MYO3B: variants seen among roughly 807,000 people sequenced by gnomAD.
MYO3B encodes the protein myosin IIIB, also known as myosin-IIIb.
In MYO3B, 156 loss-of-function variants were observed where a neutral mutation model predicts 174.6. The observed-to-expected ratio is 0.89, with a 90% CI of 0.78 to 1.02. The LOEUF (loss-of-function observed/expected upper bound fraction) is 1.02. MYO3B is among the 50% of genes least tolerant of loss of function. The pLI is 0.00. For synonymous variants in MYO3B, 563 were observed against 569.1 expected, an observed-to-expected ratio of 0.99 and a Z score of 0.15; for missense variants, 1,632 against 1,639.4, an observed-to-expected ratio of 1.00 and a Z score of 0.08.
intron 32 of MYO3B, among the ~76,000 whole-genome samples, chr2:170,613,749 A>G (rs573482119): frequency 6.6e-6 from 1 of 152,180 alleles, no homozygotes; most frequent in Admixed American, 6.5e-5. Context: ...AATATAAAGC[A>G]GGCAGAAAAA....
intron 32 of MYO3B, among the ~76,000 whole-genome samples, chr2:170,616,813 G>T (rs1695497253): frequency 6.6e-6 from 1 of 152,142 alleles, no homozygotes; most frequent in Non-Finnish European, 1.5e-5. Flanking sequence ...TGCTTGAGAG[G>T]CCTCAAAAAT....
At chr2:170,412,511 TA>T (rs2094552256) in intron 22 of MYO3B, 1 of 152,186 alleles carries the variant, frequency 6.6e-6, no homozygotes, top group Non-Finnish European at 1.5e-5. Context: ...AAATCAACAA[TA>T]AAGTATCTGT....
intron 32 of MYO3B, among the ~76,000 whole-genome samples, chr2:170,550,667 C>T (rs1245565149): frequency 6.6e-6 from 1 of 152,164 alleles, no homozygotes; most frequent in Non-Finnish European, 1.5e-5. Flanking sequence ...GAGACTAATA[C>T]GATTATAATA....
At chr2:170,314,264 G>C (rs2093759386) in intron 7 of MYO3B, among the ~76,000 whole-genome samples, 1 of 152,120 alleles carries the variant, frequency 6.6e-6, no homozygotes, top group Non-Finnish European at 1.5e-5. Flanking sequence ...GGCAAAATAG[G>C]CTCCGTTTCA....
At chr2:170,569,524 T>C (rs1575178571) in intron 32 of MYO3B, among the ~76,000 whole-genome samples, 1 of 151,660 alleles carries the variant, frequency 6.6e-6, no homozygotes, top group South Asian at 2.1e-4. Flanking sequence ...CTGAGTTTTT[T>C]TTTTTTTTTT....
At chr2:170,476,437 A>T (rs768745257) in intron 25 of MYO3B, among the ~76,000 whole-genome samples, 2 of 152,056 alleles carry the variant, frequency 1.3e-5, no homozygotes, top group Admixed American at 6.5e-5. Context: ...GGCTTGAAGG[A>T]TGAATGCAGG....
chr2:170,429,579 T>C (rs895351720), intron 22 of MYO3B, among the ~76,000 whole-genome samples: 2 of 152,232 alleles, frequency 1.3e-5, no homozygotes, highest in African/African-American at 2.4e-5. Context: ...AATGTTTTAA[T>C]GCTATTATTA....
chr2:170,432,638 A>G (rs973019693), intron 22 of MYO3B, among the ~76,000 whole-genome samples: 6 of 150,726 alleles, frequency 4.0e-5, no homozygotes, highest in Non-Finnish European at 5.9e-5. Context: ...GTGCAGTGGC[A>G]CGATCTCGGC....
At chr2:170,361,168 T>TC (rs1034569968) in intron 8 of MYO3B, among the ~76,000 whole-genome samples, 6 of 152,202 alleles carry the variant, frequency 3.9e-5, no homozygotes, top group Admixed American at 3.9e-4. Context: ...ACTCATTTAT[T>TC]CCCCACAATA....
chr2:170,635,665 A>G (rs12473121), intron 32 of MYO3B, among the ~76,000 whole-genome samples: 19,644 of 152,154 alleles, frequency 0.13, 1,447 homozygotes, highest in East Asian at 0.31. Context: ...AAGCTTTGTA[A>G]TATCTCTTAA....
At chr2:170,336,626 T>C (rs2093949202) in intron 8 of MYO3B, among the ~76,000 whole-genome samples, 1 of 152,184 alleles carries the variant, frequency 6.6e-6, no homozygotes, top group African/African-American at 2.4e-5. Context: ...TCTTACTTGA[T>C]GTGAATATTC....
intron 9 of MYO3B, among the ~76,000 whole-genome samples, chr2:170,380,590 T>A (rs1252537501): frequency 6.6e-6 from 1 of 152,200 alleles, no homozygotes; most frequent in Non-Finnish European, 1.5e-5. Flanking sequence ...TGAAAGGAAT[T>A]ACGGGAAGGC....
chr2:170,589,062 C>T (rs984166490), intron 32 of MYO3B, among the ~76,000 whole-genome samples: 1 of 151,766 alleles, frequency 6.6e-6, no homozygotes, highest in African/African-American at 2.4e-5. Flanking sequence ...GGAACTGGAA[C>T]AAGAACATGT....
chr2:170,236,309 C>T (rs563127639), intron 7 of MYO3B, among the ~76,000 whole-genome samples, 173 bp downstream of exon 7: 2 of 152,188 alleles, frequency 1.3e-5, no homozygotes, highest in South Asian at 4.1e-4. Flanking sequence ...AGAGGATGTT[C>T]CTGAAAGATA....
chr2:170,547,496 C>A (rs923459310), intron 32 of MYO3B, among the ~76,000 whole-genome samples: 2 of 152,132 alleles, frequency 1.3e-5, no homozygotes, highest in Non-Finnish European at 2.9e-5. Flanking sequence ...GTATACAGAC[C>A]TCATCTGGTT....
At chr2:170,488,352 G>C (rs1157625264) in intron 25 of MYO3B, among the ~76,000 whole-genome samples, 2 of 151,936 alleles carry the variant, frequency 1.3e-5, no homozygotes, top group African/African-American at 2.4e-5. Flanking sequence ...TTGCTTGGTA[G>C]CATTGGGTCT....
chr2:170,217,333 C>A lies in MYO3B; in HGVS notation c.541C>A (p.Leu181Ile), dbSNP rs751804769. 3.2e-5 allele frequency: 51 copies of A among 1,613,956 alleles called. No homozygotes were observed. In the Middle Eastern group the frequency reaches 8.2e-4, roughly 26 times the overall value. The change falls in exon 6 of 35, where the codon CTC (leucine) becomes ATC (isoleucine). Residue 181 changes from leucine (L) to isoleucine (I), a missense_variant. Coordinates refer to ENST00000408978, the MANE Select transcript of MYO3B (RefSeq NM_138995.5). ...TTTCCTTATAGGTGTTTCAGCTCAA[C>A]TCACCAGTACACGTCTGCGGAGAAA... ...KLVDFGVSAQLTSTRLRRNTS... is the reference protein window; with the variant it reads ...KLVDFGVSAQITSTRLRRNTS...
chr2:170,202,246 G>T (rs531472830), intron 3 of MYO3B, among the ~76,000 whole-genome samples: 1 of 152,328 alleles, frequency 6.6e-6, no homozygotes, highest in African/African-American at 2.4e-5. Context: ...CTGAGACACT[G>T]AATTATTCAT....
At chr2:170,256,867 C>T (rs1005535650) in intron 7 of MYO3B, among the ~76,000 whole-genome samples, 1 of 152,020 alleles carries the variant, frequency 6.6e-6, no homozygotes, top group South Asian at 2.1e-4. Flanking sequence ...GACCTATCTC[C>T]CCTGTAATGG....
Sources: gnomAD v4.1 joint callset for allele counts (sites outside exome capture counted in the v4.1 genomes callset) on GRCh38, gnomAD v4.1.1 for gene constraint, MANE v1.5 for transcripts, NCBI Gene and HGNC (gene_info 2026-07-23, HGNC 2026-07-21) for gene names.